Variants in USP9Y observed in about 807,000 individuals in gnomAD.
USP9Y encodes the protein ubiquitin specific peptidase 9 Y-linked.
USP9Y carries 41 observed loss-of-function variants against 53.1 expected under a neutral mutation model. That is an observed-to-expected ratio of 0.77 (90% confidence interval 0.60 to 1.00). The LOEUF (loss-of-function observed/expected upper bound fraction) is 1.00, where lower values mean the gene tolerates loss of function less well. Ranked by LOEUF, USP9Y falls within the 50% of genes least tolerant of loss-of-function variation. The pLI is 0.00. For synonymous variants in USP9Y, 220 were observed against 173.7 expected, an observed-to-expected ratio of 1.27 and a Z score of -2.09; for missense variants, 567 against 535.8, an observed-to-expected ratio of 1.06 and a Z score of -0.58.
intron 12 of USP9Y, among the ~76,000 whole-genome samples, chrY:12,747,386 T>C: frequency 3.0e-5 from 1 of 33,591 alleles, no homozygotes; most frequent in Non-Finnish European, 7.4e-5. Flanking sequence ...CTTATCTGTT[T>C]TCTCAAGGAG....
chrY:12,760,533 C>G lies in USP9Y; in HGVS notation c.1816C>G (p.Gln606Glu). 1 of 397,880 alleles carries G rather than the reference C, an allele frequency of 2.5e-6. No individual in the cohort carries two copies. Among genetic ancestry groups the G allele is most frequent in the Non-Finnish European group, 3.5e-6 (1 of 282,840 alleles). Residue 606 changes from glutamine to glutamate, a missense_variant, in exon 15 of 46, where the codon CAG becomes GAG. By Grantham distance (29) the Gln-to-Glu change is conservative. Transcript: ENST00000338981. ...ATTTTATCGCCATGATTTAATCAAC[C>G]AGCTTCAACAAAATCATGCTTTAGT... ...HIFYRHDLIN[Q>E]LQQNHALVTL... is the part of the protein sequence containing the mutation.
intron 42 of USP9Y, among the ~76,000 whole-genome samples, chrY:12,855,662 C>T: frequency 6.0e-5 from 2 of 33,388 alleles, no homozygotes; most frequent in African/African-American, 1.2e-4. Flanking sequence ...TTGCTTTATG[C>T]GTCATGTATG....
At chrY:12,756,080 G>C (rs760076868) in intron 12 of USP9Y, among the ~76,000 whole-genome samples, 1 of 33,192 alleles carries the variant, frequency 3.0e-5, no homozygotes, top group African/African-American at 1.2e-4. Flanking sequence ...CACTCCAGCA[G>C]AATCAGGCAG....
At chrY:12,785,485 G>A in intron 22 of USP9Y, among the ~76,000 whole-genome samples, 1 of 32,642 alleles carries the variant, frequency 3.1e-5, no homozygotes, top group Non-Finnish European at 7.6e-5. Context: ...TTTTGTTGGG[G>A]GCTTATGTTT....
At chrY:12,747,359 A>G in intron 12 of USP9Y, among the ~76,000 whole-genome samples, 1 of 33,378 alleles carries the variant, frequency 3.0e-5, no homozygotes, top group East Asian at 8.0e-4. Context: ...TTTCTCCCCA[A>G]ATGAGATGTG....
intron 7 of USP9Y, among the ~76,000 whole-genome samples, chrY:12,729,479 C>T: frequency 6.2e-5 from 2 of 32,089 alleles, no homozygotes; most frequent in African/African-American, 1.2e-4. Context: ...TTCGCTTTTT[C>T]ACCCAGGCTA....
chrY:12,839,447 T>C (rs2053558295), intron 35 of USP9Y, among the ~76,000 whole-genome samples: 1 of 33,213 alleles, frequency 3.0e-5, no homozygotes, highest in Non-Finnish European at 7.5e-5. Flanking sequence ...GTAATATAAA[T>C]TCAAAAGCCA....
At chrY:12,852,523 A>G (rs2053572237) in intron 42 of USP9Y, among the ~76,000 whole-genome samples, 2 of 33,286 alleles carry the variant, frequency 6.0e-5, no homozygotes, top group African/African-American at 2.3e-4. Flanking sequence ...CTGTCAACTC[A>G]TCAAAGTCAT....
At chrY:12,805,014 A>G in intron 27 of USP9Y, among the ~76,000 whole-genome samples, 1 of 32,628 alleles carries the variant, frequency 3.1e-5, no homozygotes, top group Non-Finnish European at 7.5e-5. Flanking sequence ...GTTCATGACT[A>G]GTGACTTCTC....
At chrY:12,709,187 C>A in intron 2 of USP9Y, among the ~76,000 whole-genome samples, 3 of 34,089 alleles carry the variant, frequency 8.8e-5, no homozygotes, top group Admixed American at 7.9e-4. Context: ...CTTGGCCTCT[C>A]AAAGTGCCGA....
intron 19 of USP9Y, among the ~76,000 whole-genome samples, chrY:12,777,098 T>C: frequency 3.0e-5 from 1 of 32,985 alleles, no homozygotes; most frequent in Non-Finnish European, 7.5e-5. Flanking sequence ...GTTAACAGTG[T>C]CTCTTTTATT....
intron 22 of USP9Y, among the ~76,000 whole-genome samples, chrY:12,782,927 C>T (rs112613879): frequency 1.7e-3 from 58 of 33,697 alleles, no homozygotes; most frequent in Non-Finnish European, 3.2e-3. Flanking sequence ...TTTTAGAGAT[C>T]GCTTCTTCCC....
In USP9Y at chrY:12,859,849, A is replaced by G; in HGVS notation, c.*433A>G. 2.7e-5 allele frequency: 1 copy of G among 36,642 alleles called. No homozygotes were observed. Among genetic ancestry groups the G allele is most frequent in the Admixed American group, 2.5e-4 (1 of 4,036 alleles). The allele number at this position is 36,642 out of a possible 400,897, so 9.1% of individuals were successfully genotyped here. A position where few individuals can be genotyped will look rare whatever the true frequency, so the allele number is the denominator to read the frequency against. ...CAAAAAAGGGAACATAAAAGAGCCC[A>G]TCTTTGTCAGTTTACACCAATAGTT... is the stretch of plus-strand genomic sequence containing the variant. On this transcript the variant is annotated 3_prime_UTR_variant, in exon 46 of 46. Coordinates refer to ENST00000338981, the MANE Select transcript of USP9Y (RefSeq NM_004654.4).
chrY:12,788,499 T>C, intron 24 of USP9Y, among the ~76,000 whole-genome samples: 1 of 33,329 alleles, frequency 3.0e-5, no homozygotes, highest in South Asian at 6.7e-4. Context: ...TAGAGATGCA[T>C]GTAGACCTCA....
At chrY:12,824,580 C>T in intron 33 of USP9Y, among the ~76,000 whole-genome samples, 1 of 32,716 alleles carries the variant, frequency 3.1e-5, no homozygotes, top group Non-Finnish European at 7.5e-5. Context: ...AAATCACTAA[C>T]CAAGAAAAGT....
chrY:12,823,362 A>AT (rs2053543715), intron 33 of USP9Y, among the ~76,000 whole-genome samples: 1 of 33,257 alleles, frequency 3.0e-5, no homozygotes, highest in African/African-American at 1.2e-4. Context: ...TAGGAGAATT[A>AT]CTGTGTCAAA....
At chrY:12,738,532 T>G (rs950726546) in intron 11 of USP9Y, among the ~76,000 whole-genome samples, 1 of 32,345 alleles carries the variant, frequency 3.1e-5, no homozygotes, top group Non-Finnish European at 7.6e-5. Context: ...GTTTTTTTGG[T>G]TTTTTTTGTT....
intron 22 of USP9Y, among the ~76,000 whole-genome samples, chrY:12,784,853 T>A: frequency 3.0e-5 from 1 of 33,402 alleles, no homozygotes; most frequent in Non-Finnish European, 7.4e-5. Flanking sequence ...CATTCTCTTA[T>A]ATAACCACAG....
At position 12,777,976 on chromosome Y, in the gene USP9Y, T is replaced by C. The variant is rs1449787801; in HGVS notation, c.2640-43T>C. On this transcript the variant is annotated intron_variant, in intron 19 of 45. Coordinates refer to ENST00000338981, the MANE Select transcript of USP9Y (RefSeq NM_004654.4). Reference sequence around the variant, plus strand: ...GTCTGCTGAATATCATTGTGGTTTTTTCTTTTTTTAAAATTCTTTTTATTT... The same window carrying C: ...GTCTGCTGAATATCATTGTGGTTTTCTCTTTTTTTAAAATTCTTTTTATTT... 4 of 339,880 alleles carry C rather than the reference T, an allele frequency of 1.2e-5. No homozygotes were observed. The Admixed American group carries it at 3.7e-4, about 31-fold the overall frequency. 84.8% of individuals were successfully genotyped at this position (339,880 alleles called of 400,897 possible).
Sources: gnomAD v4.1 joint callset for allele counts (sites outside exome capture counted in the v4.1 genomes callset) on GRCh38, gnomAD v4.1.1 for gene constraint, MANE v1.5 for transcripts, NCBI Gene and HGNC (gene_info 2026-07-23, HGNC 2026-07-21) for gene names.